CCND1: variants seen among roughly 807,000 people sequenced by gnomAD.
The protein encoded by CCND1 is G1/S-specific cyclin-D1.
A neutral mutation model predicts 26.1 loss-of-function variants in CCND1; 9 were observed. The observed-to-expected ratio is 0.35, with a 90% CI of 0.21 to 0.60. CCND1 has a LOEUF of 0.60. CCND1 is among the 20% of genes least tolerant of loss of function. The pLI, the probability that CCND1 is intolerant of heterozygous loss-of-function variation, is 0.79. For missense variants in CCND1, 335 were observed against 392.9 expected, an observed-to-expected ratio of 0.85 and a Z score of 1.25; for synonymous variants, 194 against 166.1, an observed-to-expected ratio of 1.17 and a Z score of -1.29.
At position 69,651,609 on chromosome 11, in the gene CCND1, A is replaced by C. The variant is rs1855856785; in HGVS notation, c.*327A>C. 7.2e-6 allele frequency: 2 copies of C among 278,312 alleles called. No homozygotes were observed. The highest frequency in any genetic ancestry group is 1.0e-4 in the Admixed American group (2 of 19,106). 17.2% of individuals were successfully genotyped at this position (278,312 alleles called of 1,614,324 possible). On this transcript the variant is annotated 3_prime_UTR_variant, in exon 5 of 5. Coordinates refer to ENST00000227507, the MANE Select transcript of CCND1 (RefSeq NM_053056.3). ...CCAATAATCAACTCGTTTTTATATT[A>C]ATGTACTTGTTTCTCTGTTGTAAGA...
intron 3 of CCND1, among the ~76,000 whole-genome samples, chr11:69,646,176 G>A (rs190075685): frequency 2.1e-4 from 32 of 152,310 alleles, no homozygotes; most frequent in African/African-American, 7.5e-4. Flanking sequence ...GTCGCTCCCT[G>A]CAGAAGCGGT....
At position 69,644,160 on chromosome 11, in the gene CCND1, T is replaced by C. The variant is rs540454674; in HGVS notation, c.574+169T>C. 1,239 of 682,682 alleles carry C rather than the reference T, an allele frequency of 1.8e-3. 15 individuals carry two copies. The highest frequency in any genetic ancestry group is 0.012 in the Middle Eastern group (46 of 3,822). The allele number at this position is 682,682 out of a possible 1,614,324, so 42.3% of individuals were successfully genotyped here. ...CTGGTGAGCAGAGGCCCTGGATTGT[T>C]TGTCGCGCTGGATGGAGGGAGATTT... On this transcript the variant is annotated intron_variant, in intron 3 of 4. Coordinates refer to ENST00000227507, the MANE Select transcript of CCND1 (RefSeq NM_053056.3).
intron 2 of CCND1, 112 bp downstream of exon 2, chr11:69,643,358 C>G (rs1040005948): frequency 1.2e-6 from 1 of 814,846 alleles, no homozygotes; most frequent in African/African-American, 1.8e-5. Context: ...ATCTGCTCCT[C>G]CGAGGGAGGG....
intron 3 of CCND1, 28 bp from the exon 4 acceptor site, chr11:69,647,966 C>T (rs1380046377): frequency 1.9e-6 from 3 of 1,612,190 alleles, no homozygotes; most frequent in African/African-American, 1.3e-5. Context: ...CTGCTCACAG[C>T]CTCCTTCCCT....
chr11:69,642,415 G>A (rs1855718488), intron 1 of CCND1, among the ~76,000 whole-genome samples: 1 of 152,088 alleles, frequency 6.6e-6, no homozygotes, highest in Non-Finnish European at 1.5e-5. Context: ...GGGAAACGCC[G>A]CCCGCGCCCA....
At chr11:69,643,802 C>T (rs754622344) in intron 2 of CCND1, 30 bp from the exon 3 acceptor site, 14 of 1,585,468 alleles carry the variant, frequency 8.8e-6, no homozygotes, top group Non-Finnish European at 1.2e-5. Flanking sequence ...CCCGCACCTC[C>T]CCTGATGGCC....
At chr11:69,648,851 G>A (rs1356898085) in intron 4 of CCND1, among the ~76,000 whole-genome samples, 1 of 152,148 alleles carries the variant, frequency 6.6e-6, no homozygotes, top group Non-Finnish European at 1.5e-5. Flanking sequence ...GGCCTGGGCC[G>A]CCTCTTGGTG....
chr11:69,646,609 C>T (rs779426231), intron 3 of CCND1, among the ~76,000 whole-genome samples: 26 of 152,190 alleles, frequency 1.7e-4, no homozygotes, highest in Admixed American at 3.3e-4. Flanking sequence ...TGCCGACGTC[C>T]GGCTCCCAGC....
intron 3 of CCND1, among the ~76,000 whole-genome samples, chr11:69,645,697 C>T (rs1855769304): frequency 6.6e-6 from 1 of 152,194 alleles, no homozygotes; most frequent in Non-Finnish European, 1.5e-5. Context: ...CTTACGGCTG[C>T]TTAAAGTCAG....
chr11:69,648,154 T>G lies in CCND1; in HGVS notation c.723+12T>G, dbSNP rs1290281519. On this transcript the variant is annotated intron_variant, in intron 4 of 4. Coordinates refer to ENST00000227507, the MANE Select transcript of CCND1 (RefSeq NM_053056.3). ...TCAAGTGTGACCCGGTAAGTGAGGG[T>G]GATGTCCCAGGCAGCCTTGCCGGGG... is the stretch of plus-strand genomic sequence containing the variant. 1 of 1,613,218 alleles carries G rather than the reference T, an allele frequency of 6.2e-7. No individual in the cohort carries two copies. The highest frequency in any genetic ancestry group is 1.7e-5 in the Admixed American group (1 of 59,978).
intron 3 of CCND1, among the ~76,000 whole-genome samples, chr11:69,646,981 C>T (rs1278057271): frequency 6.6e-6 from 1 of 152,170 alleles, no homozygotes; most frequent in Non-Finnish European, 1.5e-5. Context: ...ATTGGTGTCC[C>T]TCTTGGAAGT....
At chr11:69,644,165 G>A (rs1003498292) in intron 3 of CCND1, 174 bp downstream of exon 3, 4 of 665,520 alleles carry the variant, frequency 6.0e-6, no homozygotes, top group South Asian at 3.5e-5. Context: ...ATTGTTTGTC[G>A]CGCTGGATGG....
At chr11:69,642,133 G>T (rs3017621) in intron 1 of CCND1, among the ~76,000 whole-genome samples, 20 of 151,564 alleles carry the variant, frequency 1.3e-4, no homozygotes, top group African/African-American at 4.8e-4. Flanking sequence ...TTGGGGGGAC[G>T]CCGCTAGGGA....
Position 69,647,907 on chromosome 11 carries a change from G to C in CCND1, c.575-87G>C, listed in dbSNP as rs755853098. ...CCCTTCAGGCCGGGCCGCTTGCTCAGAGCCAGCACACAGGGATGCCCGGAT... is the reference window on the plus strand; with the variant it reads ...CCCTTCAGGCCGGGCCGCTTGCTCACAGCCAGCACACAGGGATGCCCGGAT... On this transcript the variant is annotated intron_variant, in intron 3 of 4. Coordinates refer to ENST00000227507, the MANE Select transcript of CCND1 (RefSeq NM_053056.3). 2.8e-4 allele frequency: 432 copies of C among 1,517,912 alleles called. 2 individuals carry two copies. The highest frequency in any genetic ancestry group is 5.7e-4 in the Middle Eastern group (3 of 5,224). 94.0% of individuals were successfully genotyped at this position (1,517,912 alleles called of 1,614,324 possible). A position where few individuals can be genotyped will look rare whatever the true frequency, so the allele number is the denominator to read the frequency against.
Position 69,641,446 on chromosome 11 carries a change from T to C in CCND1, c.133T>C (p.Phe45Leu). The C allele has an allele frequency of 6.2e-7, 1 of 1,613,460 alleles. No individual in the cohort carries two copies. The highest frequency in any genetic ancestry group is 8.5e-7 in the Non-Finnish European group (1 of 1,180,026). Reference protein sequence around the residue: ...EETCAPSVSYFKCVQKEVLPS... With the variant: ...EETCAPSVSYLKCVQKEVLPS... Reference sequence around the variant, plus strand: ...GACCTGCGCGCCCTCGGTGTCCTACTTCAAATGTGTGCAGAAGGAGGTCCT... The same window carrying C: ...GACCTGCGCGCCCTCGGTGTCCTACCTCAAATGTGTGCAGAAGGAGGTCCT... The change falls in exon 1 of 5, where the codon TTC becomes CTC. Residue 45 changes from phenylalanine to leucine, a missense_variant. Phe to Leu is a conservative substitution (Grantham distance 22). Transcript: ENST00000227507.
Position 69,654,360 on chromosome 11 carries a change from G to A in CCND1, c.*3078G>A. On this transcript the variant is annotated 3_prime_UTR_variant, in exon 5 of 5. Coordinates refer to ENST00000227507, the MANE Select transcript of CCND1 (RefSeq NM_053056.3). This position sits in a 1 kb window ranked among gnomAD's most constrained non-coding sequence, Gnocchi z 6.3. ...GTCTGGGCGGCGGGCGGCTGGGTCT[G>A]TGCATTTCTGGTTGCACCGCGGCGC... is the stretch of plus-strand genomic sequence containing the variant. 2 of 702,414 alleles carry A rather than the reference G, an allele frequency of 2.8e-6. No individual in the cohort carries two copies. Among genetic ancestry groups the A allele is most frequent in the South Asian group, 1.5e-5 (1 of 67,592 alleles). The allele number at this position is 702,414 out of a possible 1,614,324, so 43.5% of individuals were successfully genotyped here. A position where few individuals can be genotyped will look rare whatever the true frequency, so the allele number is the denominator to read the frequency against.
chr11:69,651,581 A>G lies in CCND1; in HGVS notation c.*299A>G. On this transcript the variant is annotated 3_prime_UTR_variant, in exon 5 of 5. Coordinates refer to ENST00000227507, the MANE Select transcript of CCND1 (RefSeq NM_053056.3). ...TGCTACAGATGATAGAGGATTTTAT[A>G]CCCCAATAATCAACTCGTTTTTATA... 3.2e-6 allele frequency: 1 copy of G among 314,610 alleles called. No homozygotes were observed. Among genetic ancestry groups the G allele is most frequent in the Non-Finnish European group, 5.8e-6 (1 of 173,140 alleles). The allele number at this position is 314,610 out of a possible 1,614,324, so 19.5% of individuals were successfully genotyped here. A position where few individuals can be genotyped will look rare whatever the true frequency, so the allele number is the denominator to read the frequency against.
Position 69,652,916 on chromosome 11 carries a change from T to C in CCND1, c.*1634T>C, listed in dbSNP as rs928775532. ...GAAAAAAACCACACAAAGACATTGA[T>C]TCAGCCTGTTTGGCGTTTCCCAGAG... On this transcript the variant is annotated 3_prime_UTR_variant, in exon 5 of 5. Transcript: ENST00000227507. The C allele has an allele frequency of 1.0e-5, 3 of 286,060 alleles. No homozygotes were observed. Among genetic ancestry groups the C allele is most frequent in the African/African-American group, 4.3e-5 (2 of 46,556 alleles). 17.7% of individuals were successfully genotyped at this position (286,060 alleles called of 1,614,324 possible).
intron 3 of CCND1, among the ~76,000 whole-genome samples, chr11:69,645,644 C>A (rs1156763518): frequency 6.6e-6 from 1 of 152,218 alleles, no homozygotes; most frequent in Non-Finnish European, 1.5e-5. Context: ...AACTGAGCAG[C>A]CAGTGCCTTG....
Sources: allele counts gnomAD v4.1 joint callset (sites outside exome capture counted in the v4.1 genomes callset), GRCh38; gene constraint gnomAD v4.1.1; non-coding constraint Gnocchi (gnomAD v3.1); transcripts MANE v1.5; gene names NCBI Gene and HGNC (gene_info 2026-07-23, HGNC 2026-07-21).